ADAM22: variants seen among roughly 807,000 people sequenced by gnomAD.
ADAM22 encodes ADAM metallopeptidase domain 22, also known as disintegrin and metalloproteinase domain-containing protein 22.
ADAM22 carries 65 observed loss-of-function variants against 144.6 expected under a neutral mutation model. The observed-to-expected ratio is 0.45, with a 90% CI of 0.37 to 0.55. The LOEUF is 0.55. Among genes scored for constraint, ADAM22 ranks in the 20% least tolerant of loss-of-function variants. The probability of loss-of-function intolerance (pLI) is 0.00; values close to 1 mark genes in which losing one functional copy is unlikely to be tolerated. For synonymous variants in ADAM22, 391 were observed against 412.6 expected (o/e 0.95, Z 0.63); for missense variants, 974 against 1,184.9 (o/e 0.82, Z 2.61).
At chr7:87,980,310 G>A (rs968802752) in intron 3 of ADAM22, among the ~76,000 whole-genome samples, 2 of 31,038 alleles carry the variant, frequency 6.4e-5, no homozygotes, top group African/African-American at 6.4e-4. Context: ...GCCTGGGATC[G>A]ATGTTAAACA....
At chr7:88,118,289 C>G (rs572216421) in intron 7 of ADAM22, among the ~76,000 whole-genome samples, 1 of 152,156 alleles carries the variant, frequency 6.6e-6, no homozygotes, top group Non-Finnish European at 1.5e-5. Context: ...GTTTGTAACT[C>G]CTTGTCCTCC....
chr7:88,163,638 T>A (rs1842281808), intron 23 of ADAM22, among the ~76,000 whole-genome samples: 1 of 152,010 alleles, frequency 6.6e-6, no homozygotes, highest in African/African-American at 2.4e-5. Context: ...TGAGGATAAG[T>A]CCTAGAAATA....
chr7:88,069,902 G>A (rs1311528366), intron 3 of ADAM22, among the ~76,000 whole-genome samples: 1 of 152,144 alleles, frequency 6.6e-6, no homozygotes, highest in African/African-American at 2.4e-5. Flanking sequence ...CTCCTGCTTT[G>A]GCAGAAGGGA....
At chr7:88,032,791 A>T (rs1031822613) in intron 3 of ADAM22, among the ~76,000 whole-genome samples, 1 of 152,174 alleles carries the variant, frequency 6.6e-6, no homozygotes, top group Non-Finnish European at 1.5e-5. Context: ...GGGCTGTCTC[A>T]TGATACAGTT....
chr7:88,129,918 C>T (rs954942636), intron 9 of ADAM22, among the ~76,000 whole-genome samples: 2 of 152,088 alleles, frequency 1.3e-5, no homozygotes, highest in Non-Finnish European at 2.9e-5. Context: ...TATGCCACCT[C>T]GTTGTGACCT....
At chr7:87,958,187 G>A (rs929564369) in intron 2 of ADAM22, among the ~76,000 whole-genome samples, 10 of 152,020 alleles carry the variant, frequency 6.6e-5, no homozygotes, top group African/African-American at 2.4e-4. Context: ...ATTGGCATGA[G>A]TTTCTATGGA....
intron 2 of ADAM22, among the ~76,000 whole-genome samples, chr7:87,956,802 TATCA>T (rs1246838826): frequency 6.6e-6 from 1 of 152,240 alleles, no homozygotes; most frequent in African/African-American, 2.4e-5. Flanking sequence ...AGTGTTTCAT[TATCA>T]ATCCATTCAT....
intron 3 of ADAM22, among the ~76,000 whole-genome samples, chr7:88,066,620 A>G (rs2129477832): frequency 6.6e-6 from 1 of 152,248 alleles, no homozygotes; most frequent in Middle Eastern, 3.4e-3. Flanking sequence ...TTAAGAGAAA[A>G]CATTAGATGA....
chr7:88,117,130 G>A (rs1827956979), intron 7 of ADAM22, among the ~76,000 whole-genome samples: 1 of 152,298 alleles, frequency 6.6e-6, no homozygotes, highest in Admixed American at 6.5e-5. Flanking sequence ...TACTGGTCTT[G>A]TAAACATAGG....
At chr7:87,957,775 G>T (rs968563297) in intron 2 of ADAM22, among the ~76,000 whole-genome samples, 15 of 152,022 alleles carry the variant, frequency 9.9e-5, no homozygotes, top group Admixed American at 5.2e-4. Flanking sequence ...GTAGAAACGG[G>T]GTTTCACCAT....
intron 4 of ADAM22, among the ~76,000 whole-genome samples, chr7:88,087,258 T>G (rs1468370099): frequency 2.0e-5 from 3 of 152,242 alleles, no homozygotes; most frequent in Non-Finnish European, 4.4e-5. Flanking sequence ...ACATATCTAA[T>G]TCATTTTTGG....
chr7:88,106,993 G>A (rs754900773), intron 4 of ADAM22, among the ~76,000 whole-genome samples: 3 of 151,844 alleles, frequency 2.0e-5, no homozygotes, highest in Non-Finnish European at 4.4e-5. Context: ...TTAAAACCCC[G>A]CCCATAAACT....
intron 3 of ADAM22, among the ~76,000 whole-genome samples, chr7:88,046,188 G>A (rs1322488273): frequency 1.3e-5 from 2 of 152,112 alleles, no homozygotes; most frequent in African/African-American, 4.8e-5. Flanking sequence ...CATCAACAGT[G>A]TGTGAGAGTT....
Position 88,078,459 on chromosome 7 carries a change from C to T in ADAM22, c.390+2767C>T, listed in dbSNP as rs867708629. On this transcript the variant is annotated intron_variant, in intron 4 of 31. Coordinates refer to ENST00000413139, the MANE Select transcript of ADAM22 (RefSeq NM_001324418.2). ...GAGTGCCTCTCTTCCTCCAAAGGAG[C>T]GCAGCTCCTCGCCAGCAACGGAACA... 2.0e-5 allele frequency among the ~76,000 whole-genome samples: 3 copies of T among 152,342 alleles called. No individual in the cohort carries two copies. The South Asian group carries it at 6.2e-4, about 32-fold the overall frequency.
At chr7:88,045,310 A>C (rs1001395224) in intron 3 of ADAM22, among the ~76,000 whole-genome samples, 5 of 152,240 alleles carry the variant, frequency 3.3e-5, no homozygotes, top group Non-Finnish European at 4.4e-5. Context: ...GAGCCACCGC[A>C]CCAGGCCTAA....
At chr7:88,020,252 C>T (rs916312177) in intron 3 of ADAM22, among the ~76,000 whole-genome samples, 2 of 152,170 alleles carry the variant, frequency 1.3e-5, no homozygotes, top group Admixed American at 6.5e-5. Flanking sequence ...ATGACAAACT[C>T]ATTAGTATAT....
chr7:88,123,823 C>A (rs1487313908), intron 7 of ADAM22, among the ~76,000 whole-genome samples: 3 of 151,716 alleles, frequency 2.0e-5, no homozygotes, highest in Non-Finnish European at 4.4e-5. Context: ...TACTTTAGGT[C>A]AAAACATTTT....
At chr7:88,012,734 A>G (rs112976803) in intron 3 of ADAM22, among the ~76,000 whole-genome samples, 1 of 152,146 alleles carries the variant, frequency 6.6e-6, no homozygotes, top group East Asian at 1.9e-4. Flanking sequence ...ATTAAATCTC[A>G]GTCTTTTAAG....
chr7:87,935,215 T>A (rs371561446), intron 2 of ADAM22, 29 bp downstream of exon 2: 1 of 1,545,524 alleles, frequency 6.5e-7, no homozygotes. Context: ...GAGGTGGTCC[T>A]CCGCGCCTCC....
Sources: gnomAD v4.1 joint callset for allele counts (sites outside exome capture counted in the v4.1 genomes callset) on GRCh38, gnomAD v4.1.1 for gene constraint, MANE v1.5 for transcripts, NCBI Gene and HGNC (gene_info 2026-07-23, HGNC 2026-07-21) for gene names.